The following MYO5C variants were observed in gnomAD, a reference collection of about 807,000 sequenced individuals.
MYO5C encodes the protein unconventional myosin-Vc.
MYO5C carries 194 observed loss-of-function variants against 235.7 expected under a neutral mutation model. The observed-to-expected ratio is 0.82, with a 90% confidence interval of 0.73 to 0.93. MYO5C has a LOEUF of 0.93. Ranked by LOEUF, MYO5C falls within the 40% of genes least tolerant of loss-of-function variation. The probability of loss-of-function intolerance (pLI) is 0.00; values close to 1 mark genes in which losing one functional copy is unlikely to be tolerated. For synonymous variants in MYO5C, 707 were observed against 754.8 expected (o/e 0.94, Z 1.04); for missense variants, 2,038 against 2,127.2 (o/e 0.96, Z 0.82).
chr15:52,291,981 C>T (rs1287074146), intron 1 of MYO5C, among the ~76,000 whole-genome samples: 17 of 151,796 alleles, frequency 1.1e-4, no homozygotes, highest in Non-Finnish European at 2.5e-4. Flanking sequence ...CCTCGTGATC[C>T]GCCCGCCTCG....
At chr15:52,273,276 T>C (rs2036964903) in intron 5 of MYO5C, among the ~76,000 whole-genome samples, 1 of 152,164 alleles carries the variant, frequency 6.6e-6, no homozygotes, top group Admixed American at 6.6e-5. Flanking sequence ...TGAGCTATGA[T>C]TGCACCACCG....
At chr15:52,232,218 AAAT>A (rs1336319277) in intron 24 of MYO5C, among the ~76,000 whole-genome samples, 1,966 of 59,322 alleles carry the variant, frequency 0.033, 543 homozygotes, top group East Asian at 0.14. Flanking sequence ...AAAAGAAAGA[AAAT>A]GAAAGAAAGA....
In MYO5C at chr15:52,194,038, C is replaced by T. The variant is rs374653735; in HGVS notation, c.5093G>A (p.Arg1698Gln). 49 of 1,612,620 alleles carry T rather than the reference C, an allele frequency of 3.0e-5. No individual in the cohort carries two copies. Among genetic ancestry groups the T allele is most frequent in the African/African-American group, 1.5e-4 (11 of 74,822 alleles). Residue 1698 changes from arginine to glutamine, a missense_variant, in exon 41 of 41, where the codon CGG becomes CAG. Physicochemically the swap from Arg to Gln is conservative, Grantham distance 43. Coordinates refer to ENST00000261839, the MANE Select transcript of MYO5C (RefSeq NM_018728.4). Reference sequence around the variant, plus strand: ...CAACATCAGCTGTGATGAATCCTCCCGGCTATTTAGGAGAGCCTGAAATTA... The same window carrying T: ...CAACATCAGCTGTGATGAATCCTCCTGGCTATTTAGGAGAGCCTGAAATTA... Reference protein sequence around the residue: ...VRKVQALLNSREDSSQLMLDT... With the variant: ...VRKVQALLNSQEDSSQLMLDT...
At chr15:52,256,160 G>A (rs990303817) in intron 11 of MYO5C, among the ~76,000 whole-genome samples, 2 of 152,188 alleles carry the variant, frequency 1.3e-5, no homozygotes, top group African/African-American at 2.4e-5. Context: ...ACAGGCCTGC[G>A]ATAAGGAAGC....
chr15:52,277,776 TGAA>T (rs1418150969), intron 4 of MYO5C: 1 of 452,230 alleles, frequency 2.2e-6, no homozygotes, highest in African/African-American at 2.0e-5. Flanking sequence ...CTGATGACTC[TGAA>T]GAAGCTCGGT....
At position 52,205,147 on chromosome 15, in the gene MYO5C, A is replaced by G. The variant is rs2035280378; in HGVS notation, c.4538T>C (p.Val1513Ala). 1 of 1,611,986 alleles carries G rather than the reference A, an allele frequency of 6.2e-7. No individual in the cohort carries two copies. The highest frequency in any genetic ancestry group is 1.1e-5 in the South Asian group (1 of 91,012). Reference sequence around the variant, plus strand: ...GCTCTCATACTCCAGCATTCCCGGAACTGCGGAGAGACAGGGAGGCTGTGC... The same window carrying G: ...GCTCTCATACTCCAGCATTCCCGGAGCTGCGGAGAGACAGGGAGGCTGTGC... ...IMEKNIQPIIVPGMLEYESLQ... is the reference protein window; with the variant it reads ...IMEKNIQPIIAPGMLEYESLQ... Residue 1513 changes from valine to alanine, a missense_variant and splice_region_variant, in exon 38 of 41, where the codon GTT becomes GCT. By Grantham distance (64) the Val-to-Ala change is moderately conservative (BLOSUM62 0). Transcript: ENST00000261839.
rs563744551 is a variant in MYO5C at position 52,218,675 on chromosome 15, G to C, written c.3798C>G (p.Ala1266=). 1.2e-6 allele frequency: 2 copies of C among 1,614,022 alleles called. No individual in the cohort carries two copies. Among genetic ancestry groups the C allele is most frequent in the South Asian group, 2.2e-5 (2 of 91,032 alleles). ...EEGTQRKALE[A]QNEIHTKEKE... is the part of the protein sequence containing the mutation. ...TCTCTTTGGTATGTATTTCATTTTG[G>C]GCTTCCAAGGCCCTGAGAAAGGGAG... The change falls in exon 32 of 41, where the codon GCC becomes GCG. Residue 1266 remains alanine, a synonymous_variant. Coordinates refer to ENST00000261839, the MANE Select transcript of MYO5C (RefSeq NM_018728.4).
chr15:52,261,165 C>A (rs1376662313), intron 9 of MYO5C, 38 bp from the exon 10 acceptor site: 1 of 1,604,550 alleles, frequency 6.2e-7, no homozygotes, highest in Non-Finnish European at 8.5e-7. Context: ...GGTGGCCCAG[C>A]CATCCAAAGA....
intron 11 of MYO5C, among the ~76,000 whole-genome samples, chr15:52,254,176 C>T (rs2036533813): frequency 1.3e-5 from 2 of 152,282 alleles, no homozygotes; most frequent in African/African-American, 2.4e-5. Context: ...TTCACACCCT[C>T]CTTAGAGAAT....
intron 11 of MYO5C, among the ~76,000 whole-genome samples, chr15:52,253,828 A>G (rs2036524726): frequency 6.6e-6 from 1 of 152,236 alleles, no homozygotes; most frequent in African/African-American, 2.4e-5. Flanking sequence ...GGAGCCAGCT[A>G]CCTGAGAATG....
chr15:52,289,714 A>T (rs2140873545), intron 1 of MYO5C, among the ~76,000 whole-genome samples: 1 of 151,890 alleles, frequency 6.6e-6, no homozygotes, highest in Non-Finnish European at 1.5e-5. Flanking sequence ...TCTCATCCGT[A>T]CTTGATTGGA....
chr15:52,232,869 A>C (rs2035997442), intron 23 of MYO5C, among the ~76,000 whole-genome samples, 184 bp from the exon 24 acceptor site: 1 of 152,232 alleles, frequency 6.6e-6, no homozygotes, highest in Non-Finnish European at 1.5e-5. Flanking sequence ...TTTCAAAATA[A>C]TAATTCTCAC....
chr15:52,267,898 C>T (rs1596212846), intron 8 of MYO5C, among the ~76,000 whole-genome samples: 2 of 152,240 alleles, frequency 1.3e-5, no homozygotes, highest in South Asian at 4.2e-4. Flanking sequence ...CAGAGCTTGG[C>T]CACCTGTCCC....
chr15:52,277,903 C>G (rs771089327), intron 4 of MYO5C: 1 of 456,028 alleles, frequency 2.2e-6, no homozygotes. Flanking sequence ...TGGGTGCCCT[C>G]TGAGAGTCCA....
chr15:52,253,594 G>C lies in MYO5C; in HGVS notation c.1396-137C>G, dbSNP rs2036517780. 10 of 812,600 alleles carry C rather than the reference G, an allele frequency of 1.2e-5. No individual in the cohort carries two copies. In the South Asian group the frequency reaches 1.7e-4, roughly 14 times the overall value. 50.3% of individuals were successfully genotyped at this position (812,600 alleles called of 1,614,324 possible). A position where few individuals can be genotyped will look rare whatever the true frequency, so the allele number is the denominator to read the frequency against. ...TTAAAAAGAAGGACCCTGAAGTATAGACAAGGCCCATACCGTGATCAATAC... is the reference window on the plus strand; with the variant it reads ...TTAAAAAGAAGGACCCTGAAGTATACACAAGGCCCATACCGTGATCAATAC... On this transcript the variant is annotated intron_variant, in intron 11 of 40. Transcript: ENST00000261839.
intron 24 of MYO5C, among the ~76,000 whole-genome samples, chr15:52,232,189 AGGG>A (rs2035968659): frequency 1.0e-5 from 1 of 97,324 alleles, no homozygotes. Context: ...GAAGGGAGGA[AGGG>A]AGGAAGGAAG....
chr15:52,258,088 C>G (rs1043216482), intron 10 of MYO5C, among the ~76,000 whole-genome samples: 2 of 152,140 alleles, frequency 1.3e-5, no homozygotes, highest in Non-Finnish European at 2.9e-5. Flanking sequence ...CAGCTGGGGC[C>G]AAGGGCAGGG....
rs576231260 is a variant in MYO5C at position 52,240,031 on chromosome 15, A to G, written c.2557-152T>C. Reference sequence around the variant, plus strand: ...CGTATTACAGCTAGACTTTTCAAACAATAACCAAATCCTACCTGTAGCAGG... The same window carrying G: ...CGTATTACAGCTAGACTTTTCAAACGATAACCAAATCCTACCTGTAGCAGG... On this transcript the variant is annotated intron_variant, in intron 20 of 40. Coordinates refer to ENST00000261839, the MANE Select transcript of MYO5C (RefSeq NM_018728.4). The G allele has an allele frequency of 1.1e-4, 80 of 744,738 alleles. No individual in the cohort carries two copies. In the South Asian group the frequency reaches 1.2e-3, roughly 12 times the overall value. 46.1% of individuals were successfully genotyped at this position (744,738 alleles called of 1,614,324 possible).
In MYO5C at chr15:52,269,765, A is replaced by T. The variant is rs1397046689; in HGVS notation, c.928T>A (p.Phe310Ile). 1 of 1,608,758 alleles carries T rather than the reference A, an allele frequency of 6.2e-7. No homozygotes were observed. Among genetic ancestry groups the T allele is most frequent in the South Asian group, 1.1e-5 (1 of 90,944 alleles). The change falls in exon 8 of 41, where the codon TTC becomes ATC. Residue 310 changes from phenylalanine to isoleucine, a missense_variant. Transcript: ENST00000261839. The stretch of plus-strand genomic sequence containing the variant: ...TATTTTCCCTTACCCAGAAGCGTGA[A>T]GGTCTTTTGAGTCTCTACCATTTCA... ...RAEMVETQKT[F>I]TLLGFKEDFQ...
Sources: gnomAD v4.1 joint callset for allele counts (sites outside exome capture counted in the v4.1 genomes callset) on GRCh38, gnomAD v4.1.1 for gene constraint, MANE v1.5 for transcripts, NCBI Gene and HGNC (gene_info 2026-07-23, HGNC 2026-07-21) for gene names.